Variants in RNF212 observed in about 807,000 individuals in gnomAD.
The protein encoded by RNF212 is ring finger protein 212.
Under a neutral mutation model 34.7 loss-of-function variants are expected in RNF212, and 33 were observed. The ratio of observed to expected loss-of-function variants is 0.95; its 90% CI spans 0.72 to 1.27. RNF212 has a LOEUF of 1.27. RNF212 is among the 50% of genes most tolerant of loss of function. RNF212 has a pLI of 0.00. For synonymous variants in RNF212, 140 were observed against 136.1 expected (o/e 1.03, Z -0.20); for missense variants, 377 against 362.2 (o/e 1.04, Z -0.33).
chr4:1,056,895 T>C (rs942523336), intron 4 of RNF212: 3 of 987,884 alleles, frequency 3.0e-6, no homozygotes, highest in Admixed American at 1.2e-4. Flanking sequence ...GGGGGCAGCC[T>C]GGCCTGGGAG....
At chr4:1,073,337 T>A in intron 9 of RNF212, 144 bp from the exon 10 acceptor site, 1 of 1,167,492 alleles carries the variant, frequency 8.6e-7, no homozygotes, top group Non-Finnish European at 1.2e-6. Context: ...CCAGTGACAC[T>A]ATTTTTGTTT....
intron 4 of RNF212, among the ~76,000 whole-genome samples, chr4:1,087,586 T>TG (rs1483976176): frequency 8.8e-6 from 1 of 113,856 alleles, no homozygotes; most frequent in African/African-American, 3.5e-5. Flanking sequence ...GAGCAGGGAG[T>TG]GGGTAATAGG....
intron 2 of RNF212, among the ~76,000 whole-genome samples, chr4:1,106,612 G>T (rs537158896): frequency 3.3e-5 from 5 of 152,294 alleles, no homozygotes; most frequent in African/African-American, 9.6e-5. Context: ...GACACGGATG[G>T]TCTTAAATAT....
intron 4 of RNF212, among the ~76,000 whole-genome samples, chr4:1,089,101 C>T (rs1721788631): frequency 6.6e-6 from 1 of 152,186 alleles, no homozygotes; most frequent in South Asian, 2.1e-4. Flanking sequence ...CCTCCAGACG[C>T]CAGAATGGTA....
At position 1,073,166 on chromosome 4, in the gene RNF212, A is replaced by G. The variant is rs753707216; in HGVS notation, c.602T>C (p.Phe201Ser). 56 of 1,613,974 alleles carry G rather than the reference A, an allele frequency of 3.5e-5. No homozygotes were observed. The highest frequency in any genetic ancestry group is 5.0e-5 in the Admixed American group (3 of 59,998). Residue 201 changes from phenylalanine (F) to serine (S), a missense_variant, in exon 10 of 10, where the codon TTC becomes TCC. Phe to Ser is a radical substitution (Grantham distance 155). Transcript: ENST00000433731. ...MGPHLTASFCFIPWLTLSKPP... is the reference protein window; with the variant it reads ...MGPHLTASFCSIPWLTLSKPP... ...CTTAGACAAGGTCAACCATGGGATG[A>G]AACAGAAAGAAGCTGTTAGATGTGG...
intron 4 of RNF212, among the ~76,000 whole-genome samples, chr4:1,086,579 G>T: frequency 1.4e-5 from 1 of 72,568 alleles, no homozygotes; most frequent in Non-Finnish European, 2.6e-5. Context: ...GTAGGGGAAA[G>T]AGGATGGCAT....
At chr4:1,067,196 A>T (rs10007978), downstream of RNF212, among the ~76,000 whole-genome samples, 121,138 of 152,144 alleles carry the variant, frequency 0.8, 48,706 homozygotes, top group African/African-American at 0.89. Context: ...TAGGGCTTCA[A>T]CATATGAATT....
intron 1 of RNF212, among the ~76,000 whole-genome samples, chr4:1,110,430 C>A (rs949717986): frequency 2.6e-5 from 4 of 152,118 alleles, no homozygotes; most frequent in Non-Finnish European, 5.9e-5. Flanking sequence ...TTCATGTGCA[C>A]ATCCGCAGCC....
chr4:1,065,482 T>C (rs1243366302), intron 3 of RNF212, among the ~76,000 whole-genome samples: 2 of 152,138 alleles, frequency 1.3e-5, no homozygotes, highest in African/African-American at 4.8e-5. Flanking sequence ...TTTTCTTTTT[T>C]CTTGAGACAG....
chr4:1,097,432 G>A (rs1037451578), intron 2 of RNF212, among the ~76,000 whole-genome samples: 6 of 151,508 alleles, frequency 4.0e-5, no homozygotes, highest in African/African-American at 7.3e-5. Context: ...GTGAAACCCC[G>A]TCTCTACTAA....
In RNF212 at chr4:1,081,447, G is replaced by A. The variant is rs1479681481; in HGVS notation, c.436C>T (p.Leu146=). The change falls in exon 7 of 10, where the codon CTG becomes TTG. Residue 146 remains leucine (L), a synonymous_variant. Coordinates refer to ENST00000433731, the MANE Select transcript of RNF212 (RefSeq NM_001131034.4). ...TCGGGGGCTGATGAGTGAGGTGGCA[G>A]CAGGCATCCGTGTGGTTTTGCTGGA... ...SVSTKPHGCL[L]PPHSSAPDRL... The A allele has an allele frequency of 6.2e-7, 1 of 1,613,810 alleles. No homozygotes were observed. The highest frequency in any genetic ancestry group is 1.3e-5 in the African/African-American group (1 of 74,906).
chr4:1,079,187 A>G (rs1021162384), intron 8 of RNF212, among the ~76,000 whole-genome samples: 3 of 150,838 alleles, frequency 2.0e-5, no homozygotes, highest in Non-Finnish European at 4.4e-5. Flanking sequence ...GGGTCAACAC[A>G]AGACCAACAT....
At chr4:1,075,584 G>C (rs1479589226) in intron 8 of RNF212, among the ~76,000 whole-genome samples, 1 of 152,234 alleles carries the variant, frequency 6.6e-6, no homozygotes, top group Non-Finnish European at 1.5e-5. Flanking sequence ...TCTGCTACCA[G>C]GCCCCACCTC....
At position 1,113,348 on chromosome 4, in the gene RNF212, G is replaced by A. The variant is rs777099523; in HGVS notation, c.109+8C>T. ...CCCCTCTCCAGCCTGCGTTCGGGAA[G>A]CCCTGACCTTTGCCGAGGCAGGCGT... is the stretch of plus-strand genomic sequence containing the variant. On this transcript the variant is annotated splice_region_variant and intron_variant, in intron 1 of 9. Coordinates refer to ENST00000433731, the MANE Select transcript of RNF212 (RefSeq NM_001131034.4). 6.7e-7 allele frequency: 1 copy of A among 1,500,618 alleles called. No individual in the cohort carries two copies. Among genetic ancestry groups the A allele is most frequent in the South Asian group, 1.2e-5 (1 of 85,610 alleles). The allele number at this position is 1,500,618 out of a possible 1,614,324, so 93.0% of individuals were successfully genotyped here.
intron 3 of RNF212, chr4:1,093,393 A>C (rs1434948867): frequency 2.5e-5 from 34 of 1,386,552 alleles, no homozygotes; most frequent in Non-Finnish European, 3.1e-5. Context: ...GCCAATATTT[A>C]TGTTACGTTG....
intron 2 of RNF212, chr4:1,101,317 G>A (rs905064801): frequency 6.9e-6 from 2 of 287,974 alleles, no homozygotes; most frequent in African/African-American, 2.2e-5. Flanking sequence ...ATTATTGGTA[G>A]ACAATACTGA....
At position 1,113,466 on chromosome 4, in the gene RNF212, C is replaced by G. The variant is rs759663532; in HGVS notation, c.-2G>C. The stretch of plus-strand genomic sequence containing the variant: ...ATTACAGAACACCCAGTTGGCCATG[C>G]CAGGCGGGCGACCGCAGCGGCGAGG... On this transcript the variant is annotated 5_prime_UTR_variant, in exon 1 of 10. Transcript: ENST00000433731. 69 of 1,605,362 alleles carry G rather than the reference C, an allele frequency of 4.3e-5. No homozygotes were observed. Among genetic ancestry groups the G allele is most frequent in the Non-Finnish European group, 5.7e-5 (67 of 1,177,012 alleles).
chr4:1,103,176 A>G (rs1724293782), intron 2 of RNF212, among the ~76,000 whole-genome samples: 1 of 152,176 alleles, frequency 6.6e-6, no homozygotes, highest in Non-Finnish European at 1.5e-5. Context: ...AGAAAAACAC[A>G]ATTTACTTAA....
chr4:1,113,312 G>T (rs113708827), intron 1 of RNF212, 44 bp downstream of exon 1: 5 of 811,066 alleles, frequency 6.2e-6, no homozygotes, highest in Admixed American at 4.0e-5. Flanking sequence ...TGACCCCCTT[G>T]CCGCTCCCCT....
Sources: allele counts gnomAD v4.1 joint callset (sites outside exome capture counted in the v4.1 genomes callset), GRCh38; gene constraint gnomAD v4.1.1; transcripts MANE v1.5; gene names NCBI Gene and HGNC (gene_info 2026-07-23, HGNC 2026-07-21).